The following RAD51C variants were observed in gnomAD, a reference collection of about 807,000 sequenced individuals.
RAD51C encodes the protein RAD51 paralog C.
In RAD51C, 42 loss-of-function variants were observed where a neutral mutation model predicts 45.0. That is an observed-to-expected ratio of 0.93 (90% CI 0.73 to 1.21). The LOEUF is 1.21. RAD51C is among the 50% of genes most tolerant of loss of function. The pLI, the probability that RAD51C is intolerant of heterozygous loss-of-function variation, is 0.00. For missense variants in RAD51C, 474 were observed against 452.2 expected, an observed-to-expected ratio of 1.05 and a Z score of -0.44; for synonymous variants, 172 against 159.8, an observed-to-expected ratio of 1.08 and a Z score of -0.58.
intron 5 of RAD51C, 35 bp from the exon 6 acceptor site, chr17:58,720,711 G>C: frequency 6.6e-7 from 1 of 1,515,522 alleles, no homozygotes; most frequent in South Asian, 1.1e-5. Context: ...TTTTCAAAGA[G>C]ACTCACCTAA....
Position 58,724,049 on chromosome 17 carries a change from G to A in RAD51C, c.914G>A (p.Trp305Ter), listed in dbSNP as rs876659874. ...TGTTTTTTACTCTCAGGGGAAAGTT[G>A]GGGACATGCTGCTACAATACGGCTA... is the stretch of plus-strand genomic sequence containing the variant. Reference protein sequence around the residue: ...ALLVPALGESWGHAATIRLIF... With the variant: ...ALLVPALGES Residue 305 changes from tryptophan to a stop codon, truncating the protein, a stop_gained, in exon 7 of 9, where the codon TGG (tryptophan) becomes TAG (stop). Transcript: ENST00000337432. LOFTEE classifies it high-confidence loss of function. 2 of 1,612,736 alleles carry A rather than the reference G, an allele frequency of 1.2e-6. No individual in the cohort carries two copies. Among genetic ancestry groups the A allele is most frequent in the African/African-American group, 2.7e-5 (2 of 74,870 alleles).
intron 1 of RAD51C, chr17:58,694,483 T>C: frequency 6.3e-6 from 1 of 157,950 alleles, no homozygotes; most frequent in East Asian, 1.8e-4. Context: ...AGCTGAATTT[T>C]TTTTTTTTTT....
In RAD51C at chr17:58,709,932, G is replaced by A. The variant is rs730881926; in HGVS notation, c.779G>A (p.Arg260Gln). The change falls in exon 5 of 9, where the codon CGG becomes CAG. Residue 260 changes from arginine (R) to glutamine (Q), a missense_variant. Arg to Gln is a conservative substitution (Grantham distance 43). Transcript: ENST00000337432. ...HDLDDLSLRTRLLNGLAQQMI... is the reference protein window; with the variant it reads ...HDLDDLSLRTQLLNGLAQQMI... ...CTAGATGACCTGTCTCTTCGTACTC[G>A]GTTATTAAATGGCCTAGCCCAGCAA... 14 of 1,612,240 alleles carry A rather than the reference G, an allele frequency of 8.7e-6. No individual in the cohort carries two copies. The African/African-American group carries it at 9.4e-5, about 11-fold the overall frequency.
intron 5 of RAD51C, among the ~76,000 whole-genome samples, chr17:58,710,269 C>G (rs1251123254): frequency 1.5e-5 from 2 of 137,576 alleles, no homozygotes; most frequent in African/African-American, 5.5e-5. Context: ...ATCATGAGGT[C>G]AGGAGTTTGA....
At chr17:58,732,090 A>C (rs1484798194) in intron 7 of RAD51C, among the ~76,000 whole-genome samples, 1 of 152,164 alleles carries the variant, frequency 6.6e-6, no homozygotes, top group African/African-American at 2.4e-5. Context: ...GTCTTCTATC[A>C]ATTCTTTTAG....
At chr17:58,723,051 G>A (rs1012067530) in intron 6 of RAD51C, among the ~76,000 whole-genome samples, 3 of 152,074 alleles carry the variant, frequency 2.0e-5, no homozygotes, top group African/African-American at 7.2e-5. Context: ...TTTCAGTGCT[G>A]GACACATAAA....
intron 7 of RAD51C, among the ~76,000 whole-genome samples, chr17:58,727,143 A>C (rs546304355): frequency 8.9e-6 from 1 of 112,106 alleles, no homozygotes; most frequent in South Asian, 2.8e-4. Flanking sequence ...TTTTTTTTTG[A>C]GAGGGAGTTT....
rs1365140814 is a variant in RAD51C at position 58,692,754 on chromosome 17, A to G, written c.111A>G (p.Glu37=). The change falls in exon 1 of 9, where the codon GAA becomes GAG. Residue 37 remains glutamate (E), a synonymous_variant. Transcript: ENST00000337432. Reference sequence around the variant, plus strand: ...CTGCGGGGTTCCAGACTGCTGAGGAACTCCTAGAGGTGAAACCCTCCGAGC... The same window carrying G: ...CTGCGGGGTTCCAGACTGCTGAGGAGCTCCTAGAGGTGAAACCCTCCGAGC... ...LVSAGFQTAE[E]LLEVKPSELS... is the part of the protein sequence containing the mutation. The G allele has an allele frequency of 6.2e-7, 1 of 1,613,966 alleles. No homozygotes were observed. The highest frequency in any genetic ancestry group is 8.5e-7 in the Non-Finnish European group (1 of 1,179,982).
chr17:58,716,271 T>TGTTGAATA, intron 5 of RAD51C, among the ~76,000 whole-genome samples: 1 of 152,102 alleles, frequency 6.6e-6, no homozygotes, highest in Non-Finnish European at 1.5e-5. Context: ...ACCTGGTAAA[T>TGTTGAATA]CAGTAGTTTG....
intron 4 of RAD51C, among the ~76,000 whole-genome samples, chr17:58,704,470 A>G (rs1359608029): frequency 6.6e-6 from 1 of 151,412 alleles, no homozygotes; most frequent in Admixed American, 6.6e-5. Flanking sequence ...TTTGGTAGAA[A>G]CAGGGTTTTG....
chr17:58,721,549 C>T lies in RAD51C; in HGVS notation c.904+737C>T, dbSNP rs200283568. Among the ~76,000 whole-genome samples, 4 of 151,808 alleles carry T rather than the reference C, an allele frequency of 2.6e-5. No homozygotes were observed. In the East Asian group the frequency reaches 7.8e-4, roughly 30 times the overall value. ...CTGAGGCGGGTGGATCACCTGAGGTCGGGAGTTTGAGAGCAGCCTGACCAA... is the reference window on the plus strand; with the variant it reads ...CTGAGGCGGGTGGATCACCTGAGGTTGGGAGTTTGAGAGCAGCCTGACCAA... On this transcript the variant is annotated intron_variant, in intron 6 of 8. Transcript: ENST00000337432.
At chr17:58,699,005 CTTAT>C (rs975627065) in intron 3 of RAD51C, among the ~76,000 whole-genome samples, 2 of 150,890 alleles carry the variant, frequency 1.3e-5, no homozygotes, top group Non-Finnish European at 3.0e-5. Flanking sequence ...TGACTGTTTT[CTTAT>C]TTATTTATTT....
Position 58,694,969 on chromosome 17 carries a change from CAA to C in RAD51C, c.186_187del (p.Gln62HisfsTer10), listed in dbSNP as rs587782170. 1.9e-6 allele frequency: 3 copies of C among 1,614,038 alleles called. No individual in the cohort carries two copies. In the African/African-American group the frequency reaches 4.0e-5, roughly 22 times the overall value. On this transcript the variant is annotated frameshift_variant, in exon 2 of 9. Coordinates refer to ENST00000337432, the MANE Select transcript of RAD51C (RefSeq NM_058216.3). LOFTEE classifies it high-confidence loss of function. ...TAAAGCAGAAGCCTTAGAAACTCTG[CAA>C]ATTATCAGAAGAGAATGTCTCACAA... ...ISKAEALETL[Q>X]IIRRECLTNK...
intron 4 of RAD51C, among the ~76,000 whole-genome samples, chr17:58,707,122 C>T (rs1598480159): frequency 6.6e-6 from 1 of 152,178 alleles, no homozygotes; most frequent in Non-Finnish European, 1.5e-5. Context: ...ACAAGTTTTA[C>T]CTTCCATAAA....
intron 5 of RAD51C, among the ~76,000 whole-genome samples, chr17:58,719,729 A>AT (rs35062854): frequency 0.22 from 29,192 of 135,754 alleles, 3,277 homozygotes; most frequent in African/African-American, 0.24. Flanking sequence ...TGGATTTTTA[A>AT]TTTTTTTTTT....
In RAD51C at chr17:58,715,154, CAAAA is replaced by C. The variant is rs1033941793; in HGVS notation, c.837+5167_837+5170del. Among the ~76,000 whole-genome samples the C allele has an allele frequency of 6.1e-5, 9 of 146,984 alleles. No homozygotes were observed. The South Asian group carries it at 1.5e-3, about 25-fold the overall frequency. ...TTAAAAAAAAAAAAACAAAAAAAAA[CAAAA>C]AACCTCTTTTCAGCTGGGTGCAATA... On this transcript the variant is annotated intron_variant, in intron 5 of 8. Transcript: ENST00000337432.
chr17:58,692,807 A>G lies in RAD51C; in HGVS notation c.145+19A>G, dbSNP rs2047823181. Reference sequence around the variant, plus strand: ...AGCAAAGGTAACGACTCCTGATGGCAAGCTGAGGCACACCGGCCGCCGTCA... The same window carrying G: ...AGCAAAGGTAACGACTCCTGATGGCGAGCTGAGGCACACCGGCCGCCGTCA... On this transcript the variant is annotated intron_variant, in intron 1 of 8. Coordinates refer to ENST00000337432, the MANE Select transcript of RAD51C (RefSeq NM_058216.3). The G allele has an allele frequency of 6.2e-7, 1 of 1,613,990 alleles. No individual in the cohort carries two copies. The highest frequency in any genetic ancestry group is 1.3e-5 in the African/African-American group (1 of 74,938).
intron 8 of RAD51C, 125 bp from the exon 9 acceptor site, chr17:58,733,993 G>A: frequency 7.0e-7 from 1 of 1,427,594 alleles, no homozygotes; most frequent in South Asian, 1.3e-5. Context: ...TGGGATTACA[G>A]GTGTGAGCCA....
intron 3 of RAD51C, among the ~76,000 whole-genome samples, chr17:58,701,484 G>A (rs2048209927): frequency 6.6e-6 from 1 of 151,386 alleles, no homozygotes; most frequent in African/African-American, 2.4e-5. Flanking sequence ...CTCCAGCCTG[G>A]AGGACAGAGC....
Sources: allele counts gnomAD v4.1 joint callset (sites outside exome capture counted in the v4.1 genomes callset), GRCh38; gene constraint gnomAD v4.1.1; transcripts MANE v1.5; gene names NCBI Gene and HGNC (gene_info 2026-07-23, HGNC 2026-07-21).